The following DPP10 variants were observed in gnomAD, a reference collection of about 807,000 sequenced individuals.
The protein encoded by DPP10 is inactive dipeptidyl peptidase 10.
DPP10 carries 33 observed loss-of-function variants against 120.9 expected under a neutral mutation model. The observed-to-expected ratio is 0.27, with a 90% CI of 0.21 to 0.37. The LOEUF is 0.37. DPP10 is among the 10% of genes least tolerant of loss of function. The pLI is 1.00. For synonymous variants in DPP10, 337 were observed against 326.1 expected (o/e 1.03, Z -0.36); for missense variants, 816 against 942.8 (o/e 0.87, Z 1.76).
intron 1 of DPP10, among the ~76,000 whole-genome samples, chr2:115,262,184 G>A (rs758007819): frequency 3.3e-5 from 5 of 151,150 alleles, no homozygotes; most frequent in African/African-American, 9.7e-5. Context: ...TTAATTCAAC[G>A]TATTCATTTG....
At chr2:114,950,837 A>C (rs1574554806) in intron 1 of DPP10, among the ~76,000 whole-genome samples, 1 of 152,176 alleles carries the variant, frequency 6.6e-6, no homozygotes, top group Non-Finnish European at 1.5e-5. Context: ...AATATATGAC[A>C]ATGAGGCAGA....
At chr2:114,847,974 A>G (rs1264064041) in intron 1 of DPP10, among the ~76,000 whole-genome samples, 1 of 152,206 alleles carries the variant, frequency 6.6e-6, no homozygotes, top group African/African-American at 2.4e-5. Flanking sequence ...TGTTGTAATT[A>G]GGTCAACATC....
At chr2:115,371,371 A>G (rs2065398471) in intron 3 of DPP10, among the ~76,000 whole-genome samples, 1 of 152,190 alleles carries the variant, frequency 6.6e-6, no homozygotes, top group Admixed American at 6.6e-5. Context: ...GATATTTGCA[A>G]ACTCACCTTT....
intron 1 of DPP10, among the ~76,000 whole-genome samples, chr2:114,996,575 T>C (rs1701100045): frequency 6.6e-6 from 1 of 152,214 alleles, no homozygotes; most frequent in Admixed American, 6.5e-5. Flanking sequence ...TTAGGCAATA[T>C]TAACACCTTA....
chr2:115,075,531 A>C (rs1379337794), intron 1 of DPP10, among the ~76,000 whole-genome samples: 1 of 152,208 alleles, frequency 6.6e-6, no homozygotes, highest in African/African-American at 2.4e-5. Context: ...AGATTTTATC[A>C]AAATAGTCTC....
intron 8 of DPP10, among the ~76,000 whole-genome samples, chr2:115,728,578 C>A (rs1000938936): frequency 6.6e-6 from 1 of 152,118 alleles, no homozygotes; most frequent in Non-Finnish European, 1.5e-5. Flanking sequence ...GTTTCAGATT[C>A]TTCAGCTGAT....
At chr2:115,300,675 C>T (rs1162478832) in intron 1 of DPP10, among the ~76,000 whole-genome samples, 1 of 151,846 alleles carries the variant, frequency 6.6e-6, no homozygotes, top group Admixed American at 6.6e-5. Flanking sequence ...ATATGAATTC[C>T]CAGCTACAAT....
chr2:114,489,781 C>T (rs895322907), intron 1 of DPP10, among the ~76,000 whole-genome samples: 2 of 152,090 alleles, frequency 1.3e-5, no homozygotes, highest in African/African-American at 2.4e-5. Context: ...CAACATCTAC[C>T]GTAAAATACA....
At chr2:114,480,156 A>G (rs1157035231) in intron 1 of DPP10, among the ~76,000 whole-genome samples, 1 of 152,016 alleles carries the variant, frequency 6.6e-6, no homozygotes, top group Non-Finnish European at 1.5e-5. Context: ...CCACAATGAG[A>G]TACCATCTCA....
At chr2:115,558,443 G>A (rs1035559608) in intron 5 of DPP10, among the ~76,000 whole-genome samples, 8 of 152,082 alleles carry the variant, frequency 5.3e-5, no homozygotes, top group Non-Finnish European at 1.0e-4. Flanking sequence ...AAACTTCAGG[G>A]TACCCAAGAG....
At chr2:114,983,644 A>G (rs902270946) in intron 1 of DPP10, among the ~76,000 whole-genome samples, 1 of 152,204 alleles carries the variant, frequency 6.6e-6, no homozygotes, top group Non-Finnish European at 1.5e-5. Context: ...CAATGAATTT[A>G]CTATTGAGTA....
chr2:114,646,021 G>A (rs752237230), intron 1 of DPP10, among the ~76,000 whole-genome samples: 15 of 152,050 alleles, frequency 9.9e-5, no homozygotes, highest in Non-Finnish European at 1.6e-4. Flanking sequence ...CTAGCTGGGC[G>A]TGGTGGCATG....
chr2:114,447,451 TG>T (rs1260019625), intron 1 of DPP10, among the ~76,000 whole-genome samples: 1 of 152,188 alleles, frequency 6.6e-6, no homozygotes. Context: ...ATGCAAGGAA[TG>T]TTTAATAACA....
chr2:115,815,327 T>C (rs1380284995), intron 20 of DPP10, among the ~76,000 whole-genome samples: 1 of 152,208 alleles, frequency 6.6e-6, no homozygotes, highest in African/African-American at 2.4e-5. Flanking sequence ...ACAGATACCA[T>C]TATCACACTG....
intron 5 of DPP10, among the ~76,000 whole-genome samples, chr2:115,656,853 C>T (rs1018285777): frequency 1.3e-5 from 2 of 151,614 alleles, no homozygotes; most frequent in Admixed American, 1.3e-4. Context: ...AGAAGTGCTT[C>T]TTTCTTACAG....
At chr2:114,940,837 C>T (rs1696841478) in intron 1 of DPP10, among the ~76,000 whole-genome samples, 1 of 152,112 alleles carries the variant, frequency 6.6e-6, no homozygotes, top group South Asian at 2.1e-4. Flanking sequence ...TTTATCCTGC[C>T]TGTGAATTCT....
At chr2:114,491,479 G>A (rs1681995628) in intron 1 of DPP10, among the ~76,000 whole-genome samples, 1 of 152,154 alleles carries the variant, frequency 6.6e-6, no homozygotes, top group African/African-American at 2.4e-5. Flanking sequence ...CATGAAGGGA[G>A]GAGAATGTTT....
intron 5 of DPP10, among the ~76,000 whole-genome samples, chr2:115,644,360 T>C (rs2087049289): frequency 2.0e-5 from 3 of 152,244 alleles, no homozygotes; most frequent in African/African-American, 7.2e-5. Flanking sequence ...CCCCTTCTTG[T>C]GTCCAAGTGT....
rs531055164 is a variant in DPP10 at position 114,999,624 on chromosome 2, C to T, written c.61-309615C>T. 1.1e-4 allele frequency among the ~76,000 whole-genome samples: 17 copies of T among 152,256 alleles called. 1 individual carries two copies. In the South Asian group the frequency reaches 3.5e-3, roughly 32 times the overall value. ...TTGAGGCCTTTGTCGGTGCTAATTC[C>T]TCTACTTTGTATGCCCTGCCATCTT... is the stretch of plus-strand genomic sequence containing the variant. On this transcript the variant is annotated intron_variant, in intron 1 of 25. Transcript: ENST00000410059.
Sources: gnomAD v4.1 joint callset for allele counts (sites outside exome capture counted in the v4.1 genomes callset) on GRCh38, gnomAD v4.1.1 for gene constraint, MANE v1.5 for transcripts, NCBI Gene and HGNC (gene_info 2026-07-23, HGNC 2026-07-21) for gene names.